CAST: variants seen among roughly 807,000 people sequenced by gnomAD.
The protein encoded by CAST is calpastatin.
Under a neutral mutation model 119.6 loss-of-function variants are expected in CAST, and 76 were observed. The ratio of observed to expected loss-of-function variants is 0.64; its 90% CI spans 0.53 to 0.77. The LOEUF (loss-of-function observed/expected upper bound fraction) is 0.77, where lower values mean the gene tolerates loss of function less well. CAST is among the 30% of genes least tolerant of loss of function. The probability of loss-of-function intolerance (pLI) is 0.00; values close to 1 mark genes in which losing one functional copy is unlikely to be tolerated. For missense variants in CAST, 953 were observed against 946.5 expected (o/e 1.01, Z -0.09); for synonymous variants, 319 against 331.6 (o/e 0.96, Z 0.41).
At chr5:96,034,663 C>A in the CAST span, among the ~76,000 whole-genome samples, 4 of 151,310 alleles carry the variant, frequency 2.6e-5, no homozygotes, top group Non-Finnish European at 5.9e-5. Flanking sequence ...TTCAAGAATA[C>A]AATATACTGT....
intron 1 of CAST, among the ~76,000 whole-genome samples, chr5:96,640,219 A>G (rs770783027): frequency 6.6e-6 from 1 of 152,236 alleles, no homozygotes; most frequent in Non-Finnish European, 1.5e-5. Context: ...CATTTAGGCC[A>G]CAGGGACCTT....
At chr5:96,124,330 T>G in the CAST span, among the ~76,000 whole-genome samples, 1 of 152,194 alleles carries the variant, frequency 6.6e-6, no homozygotes, top group Non-Finnish European at 1.5e-5. Flanking sequence ...TAGCTGAGAC[T>G]GCAGGTCCAT....
the CAST span, among the ~76,000 whole-genome samples, chr5:96,298,372 C>G: frequency 6.6e-6 from 1 of 152,124 alleles, no homozygotes. Context: ...ATCTTTGTTT[C>G]AAATTGCTAT....
the CAST span, among the ~76,000 whole-genome samples, chr5:96,232,648 A>C: frequency 4.6e-5 from 7 of 152,200 alleles, no homozygotes; most frequent in East Asian, 1.4e-3. Context: ...TAAAAAGAAC[A>C]AAAAATTGAG....
At chr5:96,281,165 C>A in the CAST span, among the ~76,000 whole-genome samples, 1 of 152,160 alleles carries the variant, frequency 6.6e-6, no homozygotes, top group Non-Finnish European at 1.5e-5. Context: ...AGCAATACTT[C>A]CTCATGGTTG....
At chr5:96,116,654 T>A in the CAST span, among the ~76,000 whole-genome samples, 2 of 152,242 alleles carry the variant, frequency 1.3e-5, no homozygotes, top group South Asian at 4.1e-4. Context: ...ATGTACATTT[T>A]CTTGATGAGT....
the CAST span, among the ~76,000 whole-genome samples, chr5:96,126,976 G>A: frequency 6.6e-6 from 1 of 152,070 alleles, no homozygotes; most frequent in South Asian, 2.1e-4. Flanking sequence ...ATGTTTTGAA[G>A]GCTTATTGAC....
the CAST span, among the ~76,000 whole-genome samples, chr5:95,980,028 G>A: frequency 6.6e-6 from 1 of 152,118 alleles, no homozygotes; most frequent in South Asian, 2.1e-4. Context: ...TGAGGCAGGA[G>A]AATCGCTTGA....
chr5:96,230,030 T>C, the CAST span, among the ~76,000 whole-genome samples: 1 of 152,298 alleles, frequency 6.6e-6, no homozygotes, highest in Non-Finnish European at 1.5e-5. Context: ...AAGCAGACAC[T>C]TTCTTGTGCT....
chr5:96,146,806 C>T, the CAST span, among the ~76,000 whole-genome samples: 2 of 152,112 alleles, frequency 1.3e-5, no homozygotes, highest in Admixed American at 6.5e-5. Context: ...CAGCAGCTTC[C>T]CTGTCTGTGT....
the CAST span, among the ~76,000 whole-genome samples, chr5:96,276,618 A>G: frequency 6.6e-6 from 1 of 152,340 alleles, no homozygotes; most frequent in East Asian, 1.9e-4. Context: ...GTACTCTACT[A>G]TTGCTGAATA....
chr5:96,425,041 AAAG>A, the CAST span, among the ~76,000 whole-genome samples: 10 of 143,432 alleles, frequency 7.0e-5, no homozygotes, highest in East Asian at 1.2e-3. Context: ...AGAAAGAAAG[AAAG>A]AAAGAAAGAA....
chr5:96,512,625 C>A, the CAST span, among the ~76,000 whole-genome samples: 2 of 152,128 alleles, frequency 1.3e-5, no homozygotes, highest in Non-Finnish European at 2.9e-5. Flanking sequence ...TTTCTAGCAT[C>A]ATATTATACT....
At chr5:96,252,710 T>A in the CAST span, among the ~76,000 whole-genome samples, 2 of 152,176 alleles carry the variant, frequency 1.3e-5, no homozygotes, top group Admixed American at 6.6e-5. Context: ...ATAACAACAT[T>A]AGGTGAAGTC....
At chr5:96,248,012 T>C in the CAST span, 1 of 152,216 alleles carries the variant, frequency 6.6e-6, no homozygotes, top group Non-Finnish European at 1.5e-5. Context: ...GAGCCACTGC[T>C]TACAGGTAAT....
At chr5:96,583,669 AC>A (rs1746804026) in intron 1 of CAST, among the ~76,000 whole-genome samples, 1 of 152,230 alleles carries the variant, frequency 6.6e-6, no homozygotes, top group South Asian at 2.1e-4. Flanking sequence ...TTTTCGTACA[AC>A]TTTTTGCCCA....
chr5:96,197,115 G>T, the CAST span, among the ~76,000 whole-genome samples: 1 of 152,122 alleles, frequency 6.6e-6, no homozygotes, highest in Non-Finnish European at 1.5e-5. Context: ...CTGCTGTTAG[G>T]CCACTGCCTC....
At chr5:96,082,687 T>A in the CAST span, among the ~76,000 whole-genome samples, 1 of 152,320 alleles carries the variant, frequency 6.6e-6, no homozygotes, top group Admixed American at 6.5e-5. Flanking sequence ...TACAGTATGA[T>A]CATGATCCCA....
chr5:96,677,609 A>G (rs1750862571), intron 2 of CAST, among the ~76,000 whole-genome samples: 2 of 152,220 alleles, frequency 1.3e-5, no homozygotes, highest in African/African-American at 4.8e-5. Context: ...CAATTCTGAC[A>G]TTGTTTTATT....
Sources: allele counts gnomAD v4.1 joint callset (sites outside exome capture counted in the v4.1 genomes callset), GRCh38; gene constraint gnomAD v4.1.1; transcripts MANE v1.5; gene names NCBI Gene and HGNC (gene_info 2026-07-23, HGNC 2026-07-21).